NREP: variants seen among roughly 807,000 people sequenced by gnomAD.
NREP encodes neuronal regeneration-related protein.
A neutral mutation model predicts 8.6 loss-of-function variants in NREP; 5 were observed. That is an observed-to-expected ratio of 0.58 (90% CI 0.30 to 1.22). The LOEUF is 1.22. Among genes scored for constraint, NREP ranks in the 50% most tolerant of loss-of-function variants. The probability of loss-of-function intolerance (pLI) is 0.07; values close to 1 mark genes in which losing one functional copy is unlikely to be tolerated. For missense variants in NREP, 86 were observed against 82.5 expected, an observed-to-expected ratio of 1.04 and a Z score of -0.17; for synonymous variants, 27 against 28.0, an observed-to-expected ratio of 0.96 and a Z score of 0.11.
At chr5:111,906,190 T>C in intron 2 of NREP, among the ~76,000 whole-genome samples, 1 of 152,114 alleles carries the variant, frequency 6.6e-6, no homozygotes, top group East Asian at 1.9e-4. Flanking sequence ...ATTTGGCTTT[T>C]AATATCTGTT....
rs58877839 is a variant in NREP, at chr5:111,964,855, C to CAAAAAAAAAAAAAAAAAAAA, written c.135+10399_135+10418dup. Reference sequence around the variant, plus strand: ...AGTCTACTTAGAATGCTTTCAGCAGCAAAAAAAAAAAAAAAAAAAAAAAAA... The same window carrying CAAAAAAAAAAAAAAAAAAAA: ...AGTCTACTTAGAATGCTTTCAGCAGCAAAAAAAAAAAAAAAAAAAAAAAAAAAAAAAAAAAAAAAAAAAAA... On this transcript the variant is annotated intron_variant, in intron 2 of 3. Transcript: ENST00000395634. 6.9e-4 allele frequency among the ~76,000 whole-genome samples: 31 copies of CAAAAAAAAAAAAAAAAAAAA among 44,888 alleles called. 3 individuals are homozygous for CAAAAAAAAAAAAAAAAAAAA. The highest frequency in any genetic ancestry group is 1.2e-3 in the African/African-American group (19 of 15,738). The allele number at this position is 44,888 out of a possible 152,430, so 29.4% of individuals were successfully genotyped here. A position where few individuals can be genotyped will look rare whatever the true frequency, so the allele number is the denominator to read the frequency against.
At chr5:111,955,668 A>T (rs1756295016) in intron 2 of NREP, among the ~76,000 whole-genome samples, 1 of 152,064 alleles carries the variant, frequency 6.6e-6, no homozygotes, top group African/African-American at 2.4e-5. Context: ...CACTCAAATA[A>T]CTAGAAATAC....
chr5:111,949,848 G>T (rs1756103207), intron 2 of NREP, among the ~76,000 whole-genome samples: 1 of 152,044 alleles, frequency 6.6e-6, no homozygotes, highest in African/African-American at 2.4e-5. Context: ...ATTTGGGTTG[G>T]TTCCCAGTCT....
intron 2 of NREP, among the ~76,000 whole-genome samples, chr5:111,781,763 A>T (rs184078953): frequency 6.6e-6 from 1 of 152,180 alleles, no homozygotes; most frequent in Non-Finnish European, 1.5e-5. Flanking sequence ...TTAGATTTCA[A>T]GTACTATTCT....
At chr5:111,836,221 AG>A (rs1333732696) in intron 2 of NREP, among the ~76,000 whole-genome samples, 3 of 152,168 alleles carry the variant, frequency 2.0e-5, no homozygotes, top group African/African-American at 7.2e-5. Flanking sequence ...ATATGTCTAT[AG>A]AAAGAATGAA....
chr5:111,937,839 T>C (rs1476474528), intron 2 of NREP, among the ~76,000 whole-genome samples: 1 of 152,096 alleles, frequency 6.6e-6, no homozygotes, highest in Non-Finnish European at 1.5e-5. Context: ...CACAGGGTAC[T>C]GGACCCAACA....
intron 2 of NREP, among the ~76,000 whole-genome samples, chr5:111,844,106 T>C (rs796917618): frequency 7.9e-5 from 12 of 152,260 alleles, no homozygotes; most frequent in African/African-American, 2.9e-4. Context: ...TAATATTCAG[T>C]ATACAGATTT....
chr5:111,901,362 G>C (rs940424776), intron 2 of NREP, among the ~76,000 whole-genome samples: 1 of 152,106 alleles, frequency 6.6e-6, no homozygotes, highest in Non-Finnish European at 1.5e-5. Flanking sequence ...CAAACTCACA[G>C]CTAACATCAC....
upstream of NREP, chr5:111,757,379 T>C: frequency 1.0e-6 from 1 of 956,532 alleles, no homozygotes; most frequent in Middle Eastern, 5.4e-4. Context: ...TCTCCCTGCC[T>C]CGCGCTCTCT....
chr5:111,940,278 A>G (rs960941298), intron 2 of NREP: 1 of 152,112 alleles, frequency 6.6e-6, no homozygotes, highest in African/African-American at 2.4e-5. Context: ...AATATAGTTT[A>G]AGGATAGGGA....
chr5:111,963,928 G>T (rs1196624306), intron 2 of NREP, among the ~76,000 whole-genome samples: 1 of 152,160 alleles, frequency 6.6e-6, no homozygotes, highest in African/African-American at 2.4e-5. Context: ...TTCTATTGAA[G>T]TAATACCAAT....
chr5:111,967,819 C>G (rs1009463538), intron 2 of NREP, among the ~76,000 whole-genome samples: 1 of 152,116 alleles, frequency 6.6e-6, no homozygotes, highest in East Asian at 1.9e-4. Context: ...ATCTTTTTCC[C>G]TCTCTTTCCC....
chr5:111,825,037 G>A (rs1752590976), intron 2 of NREP, among the ~76,000 whole-genome samples: 1 of 152,130 alleles, frequency 6.6e-6, no homozygotes, highest in South Asian at 2.1e-4. Context: ...TCCTTAGTCA[G>A]AGTTAAGAAC....
intron 2 of NREP, among the ~76,000 whole-genome samples, chr5:111,765,631 G>C (rs938161486): frequency 1.3e-5 from 2 of 152,202 alleles, no homozygotes; most frequent in African/African-American, 4.8e-5. Context: ...CAAGAAGTTT[G>C]GCTCCAGAAT....
intron 2 of NREP, among the ~76,000 whole-genome samples, chr5:111,928,292 G>A (rs1755445537): frequency 6.6e-6 from 1 of 152,070 alleles, no homozygotes; most frequent in Non-Finnish European, 1.5e-5. Context: ...TAATAGAGAT[G>A]CTTTAAATAT....
At chr5:111,747,072 G>C (rs1184833424) in intron 2 of NREP, among the ~76,000 whole-genome samples, 3 of 152,114 alleles carry the variant, frequency 2.0e-5, no homozygotes, top group Non-Finnish European at 2.9e-5. Context: ...TGAGCCTTCT[G>C]GGTGGCTTTC....
intron 2 of NREP, among the ~76,000 whole-genome samples, chr5:111,838,939 G>C (rs1263999018): frequency 3.3e-5 from 5 of 151,990 alleles, no homozygotes; most frequent in Non-Finnish European, 7.4e-5. Context: ...GACAATTAAA[G>C]TATTGTCAAT....
chr5:111,906,730 T>C (rs920652353), intron 2 of NREP, among the ~76,000 whole-genome samples: 8 of 152,058 alleles, frequency 5.3e-5, no homozygotes, highest in African/African-American at 1.9e-4. Context: ...TGTAGTGAAC[T>C]CACTGCTGTT....
At chr5:111,800,701 T>A (rs1751984002) in intron 2 of NREP, among the ~76,000 whole-genome samples, 1 of 152,184 alleles carries the variant, frequency 6.6e-6, no homozygotes. Flanking sequence ...AGAAAATCTC[T>A]CCATAAAGGT....
Sources: gnomAD v4.1 joint callset for allele counts (sites outside exome capture counted in the v4.1 genomes callset) on GRCh38, gnomAD v4.1.1 for gene constraint, MANE v1.5 for transcripts, NCBI Gene and HGNC (gene_info 2026-07-23, HGNC 2026-07-21) for gene names.